The following PINK1 variants were observed in gnomAD, a reference collection of about 807,000 sequenced individuals.
The protein encoded by PINK1 is PTEN induced kinase 1.
PINK1 carries 58 observed loss-of-function variants against 56.0 expected under a neutral mutation model. The observed-to-expected ratio is 1.04, with a 90% CI of 0.84 to 1.29. The LOEUF (loss-of-function observed/expected upper bound fraction) is 1.29. Among genes scored for constraint, PINK1 ranks in the 50% most tolerant of loss-of-function variants. The pLI, the probability that PINK1 is intolerant of heterozygous loss-of-function variation, is 0.00. For missense variants in PINK1, 745 were observed against 777.9 expected, an observed-to-expected ratio of 0.96 and a Z score of 0.50; for synonymous variants, 354 against 339.3, an observed-to-expected ratio of 1.04 and a Z score of -0.48.
chr1:20,638,296 A>T lies in PINK1; in HGVS notation c.675+167A>T, dbSNP rs12408590. 0.28 allele frequency: 215,821 copies of T among 769,816 alleles called. 31,602 individuals carry two copies. The highest frequency in any genetic ancestry group is 0.37 in the South Asian group (20,004 of 54,522). The allele number at this position is 769,816 out of a possible 1,614,324, so 47.7% of individuals were successfully genotyped here. On this transcript the variant is annotated intron_variant, in intron 2 of 7. Transcript: ENST00000321556. ...CCCCTGTTACACAGAAGTCTAAACCAGAATGTTTGAAATTGTATTCTGCCC... is the reference window on the plus strand; with the variant it reads ...CCCCTGTTACACAGAAGTCTAAACCTGAATGTTTGAAATTGTATTCTGCCC...
At chr1:20,637,294 G>C (rs749836967) in intron 1 of PINK1, among the ~76,000 whole-genome samples, 1 of 152,178 alleles carries the variant, frequency 6.6e-6, no homozygotes, top group Non-Finnish European at 1.5e-5. Flanking sequence ...ATTTCTGTCT[G>C]AACTCTTGTA....
intron 3 of PINK1, among the ~76,000 whole-genome samples, chr1:20,642,171 G>T (rs553247922): frequency 6.6e-6 from 1 of 152,128 alleles, no homozygotes. Flanking sequence ...TCTCTCCCCA[G>T]CACCGTCTAG....
chr1:20,644,602 G>A lies in PINK1; in HGVS notation c.889G>A (p.Asp297Asn). 1 of 1,614,228 alleles carries A rather than the reference G, an allele frequency of 6.2e-7. No individual in the cohort carries two copies. The highest frequency in any genetic ancestry group is 2.2e-5 in the East Asian group (1 of 44,884). The change falls in exon 4 of 8, where the codon GAT becomes AAT. Residue 297 changes from aspartate to asparagine, a missense_variant. Coordinates refer to ENST00000321556, the MANE Select transcript of PINK1 (RefSeq NM_032409.3). Reference protein sequence around the residue: ...LLPGALVDYPDVLPSRLHPEG... With the variant: ...LLPGALVDYPNVLPSRLHPEG... ...GCCAGGGGCCCTGGTCGACTACCCT[G>A]ATGTGCTGCCCTCACGCCTCCACCC...
Position 20,645,698 on chromosome 1 carries a change from C to T in PINK1, c.1098C>T (p.Asp366=), listed in dbSNP as rs773330518. 2.5e-6 allele frequency: 4 copies of T among 1,614,148 alleles called. No individual in the cohort carries two copies. The highest frequency in any genetic ancestry group is 3.4e-6 in the Non-Finnish European group (4 of 1,180,030). The change falls in exon 5 of 8, where the codon GAC becomes GAT. Residue 366 remains aspartate (D), a synonymous_variant. Transcript: ENST00000321556. ...QGIAHRDLKS[D]NILVELDPDG... is the part of the protein sequence containing the mutation. ...TCGCGCACAGAGACCTGAAATCCGACAACATCCTTGTGGAGCTGGACCCAG... is the reference window on the plus strand; with the variant it reads ...TCGCGCACAGAGACCTGAAATCCGATAACATCCTTGTGGAGCTGGACCCAG...
intron 7 of PINK1, chr1:20,650,112 T>G: frequency 2.4e-6 from 1 of 413,258 alleles, no homozygotes; most frequent in Non-Finnish European, 4.6e-6. Context: ...CTGCAACCAG[T>G]TATGAAATGA....
chr1:20,637,453 T>A (rs2053067767), intron 1 of PINK1, among the ~76,000 whole-genome samples: 1 of 152,108 alleles, frequency 6.6e-6, no homozygotes, highest in Non-Finnish European at 1.5e-5. Context: ...GATCACACAC[T>A]CCTGCTAGTT....
Position 20,633,820 on chromosome 1 carries a change from G to T in PINK1, c.272G>T (p.Gly91Val). The change falls in exon 1 of 8, where the codon GGC becomes GTC. Residue 91 changes from glycine to valine, a missense_variant. Gly to Val is a moderately radical substitution (Grantham distance 109, BLOSUM62 -3). Coordinates refer to ENST00000321556, the MANE Select transcript of PINK1 (RefSeq NM_032409.3). The part of the protein sequence containing the change: ...LQRQFVVRAW[G>V]CAGPCGRAVF... ...CGGCAGTTCGTGGTGCGGGCCTGGG[G>T]CTGCGCGGGCCCTTGCGGCCGGGCA... 1 of 1,577,720 alleles carries T rather than the reference G, an allele frequency of 6.3e-7. No individual in the cohort carries two copies. Among genetic ancestry groups the T allele is most frequent in the Non-Finnish European group, 8.6e-7 (1 of 1,165,672 alleles).
chr1:20,634,283 T>C (rs1221089329), intron 1 of PINK1, among the ~76,000 whole-genome samples: 1 of 152,186 alleles, frequency 6.6e-6, no homozygotes, highest in Non-Finnish European at 1.5e-5. Flanking sequence ...CCCTAATTTA[T>C]GGAGAAGGAA....
chr1:20,647,935 C>T (rs781529614), intron 5 of PINK1, among the ~76,000 whole-genome samples: 4 of 152,124 alleles, frequency 2.6e-5, no homozygotes, highest in Non-Finnish European at 4.4e-5. Flanking sequence ...GTCTCAGCCT[C>T]CCGAGTAGCT....
rs113990571 is a variant in PINK1 at position 20,646,941 on chromosome 1, G to A, written c.1123+1218G>A. 6.7e-4 allele frequency among the ~76,000 whole-genome samples: 100 copies of A among 150,068 alleles called. 1 individual carries two copies. Among genetic ancestry groups the A allele is most frequent in the African/African-American group, 2.1e-3 (85 of 40,774 alleles). On this transcript the variant is annotated intron_variant, in intron 5 of 7. Transcript: ENST00000321556. The stretch of plus-strand genomic sequence containing the variant: ...GTTGCCCAGGCTGGAGTGCAGTGGC[G>A]CCATCTCAGCTCACTGCAACCTCTG...
chr1:20,651,028 A>C lies in PINK1; in HGVS notation c.*337A>C. On this transcript the variant is annotated 3_prime_UTR_variant, in exon 8 of 8. Transcript: ENST00000321556. ...GTGACCTTTGCCCCTAACACGAGGA[A>C]CTCGTTTGAAGGGGGCAGCGTAGCA... 2.6e-6 allele frequency: 1 copy of C among 387,092 alleles called. No homozygotes were observed. Among genetic ancestry groups the C allele is most frequent in the Non-Finnish European group, 4.9e-6 (1 of 203,506 alleles). The allele number at this position is 387,092 out of a possible 1,614,324, so 24.0% of individuals were successfully genotyped here.
At chr1:20,647,704 C>T (rs1463804406) in intron 5 of PINK1, among the ~76,000 whole-genome samples, 3 of 152,036 alleles carry the variant, frequency 2.0e-5, no homozygotes, top group Non-Finnish European at 2.9e-5. Context: ...CTCCTGACTT[C>T]GTGATCCGCC....
rs1162939803 is a variant in PINK1, at chr1:20,636,218, T to TA, written c.388-1623dup. Reference sequence around the variant, plus strand: ...AAAATATATATATAATGTGTATATATATGTATATGTGTATATATGTTGTGT... The same window carrying TA: ...AAAATATATATATAATGTGTATATATAATGTATATGTGTATATATGTTGTGT... On this transcript the variant is annotated intron_variant, in intron 1 of 7. Transcript: ENST00000321556. 2.1e-4 allele frequency among the ~76,000 whole-genome samples: 31 copies of TA among 149,788 alleles called. No homozygotes were observed. The South Asian group carries it at 5.4e-3, about 26-fold the overall frequency.
chr1:20,650,550 G>A lies in PINK1; in HGVS notation c.1605G>A (p.Ser535=), dbSNP rs149070918. ...DKMVGWLLQQ[S]AATLLANRLT... ...TGGTTGGCTGGCTCCTCCAACAATC[G>A]GCCGCCACTTTGTTGGCCAACAGGC... is the stretch of plus-strand genomic sequence containing the variant. Residue 535 remains serine, a synonymous_variant, in exon 8 of 8, where the codon TCG becomes TCA. Coordinates refer to ENST00000321556, the MANE Select transcript of PINK1 (RefSeq NM_032409.3). 7.6e-5 allele frequency: 123 copies of A among 1,614,154 alleles called. 1 individual carries two copies. The African/African-American group carries it at 1.2e-3, about 16-fold the overall frequency.
chr1:20,647,216 C>T (rs1277789634), intron 5 of PINK1, among the ~76,000 whole-genome samples: 1 of 151,852 alleles, frequency 6.6e-6, no homozygotes, highest in Non-Finnish European at 1.5e-5. Context: ...ACCACCACGC[C>T]CGGCTAATTT....
intron 1 of PINK1, among the ~76,000 whole-genome samples, chr1:20,636,484 T>G (rs1423496348): frequency 3.3e-5 from 5 of 151,868 alleles, no homozygotes; most frequent in Non-Finnish European, 7.4e-5. Flanking sequence ...TGGGATTACA[T>G]GTGCACACCA....
chr1:20,633,720 A>AGGGTCG lies in PINK1; in HGVS notation c.175_180dup (p.Val59_Gly60dup). On this transcript the variant is annotated inframe_insertion, in exon 1 of 8. Coordinates refer to ENST00000321556, the MANE Select transcript of PINK1 (RefSeq NM_032409.3). The stretch of plus-strand genomic sequence containing the variant: ...CGCAGGACCGGGCGCGGAGCCTCGC[A>AGGGTCG]GGGTCGGGCTCGGGCTCCCTAACCG... 2.6e-6 allele frequency: 4 copies of AGGGTCG among 1,528,534 alleles called. No homozygotes were observed. The highest frequency in any genetic ancestry group is 2.6e-6 in the Non-Finnish European group (3 of 1,143,548). The allele number at this position is 1,528,534 out of a possible 1,614,324, so 94.7% of individuals were successfully genotyped here.
chr1:20,646,136 G>A (rs555352453), intron 5 of PINK1, among the ~76,000 whole-genome samples: 1 of 151,778 alleles, frequency 6.6e-6, no homozygotes, highest in African/African-American at 2.4e-5. Context: ...TAAATTAGCC[G>A]GAAAAAAAGT....
chr1:20,636,590 C>T (rs966872326), intron 1 of PINK1, among the ~76,000 whole-genome samples: 48 of 152,300 alleles, frequency 3.2e-4, no homozygotes, highest in Middle Eastern at 6.8e-3. Context: ...GATCCGCCTC[C>T]CTCGGCCTCC....
Sources: allele counts gnomAD v4.1 joint callset (sites outside exome capture counted in the v4.1 genomes callset), GRCh38; gene constraint gnomAD v4.1.1; transcripts MANE v1.5; gene names NCBI Gene and HGNC (gene_info 2026-07-23, HGNC 2026-07-21).